Variants in VIRMA observed in about 807,000 individuals in gnomAD.
VIRMA encodes vir like m6A methyltransferase associated, also known as protein virilizer homolog.
VIRMA carries 65 observed loss-of-function variants against 182.4 expected under a neutral mutation model. The ratio of observed to expected loss-of-function variants is 0.36; its 90% CI spans 0.29 to 0.44. VIRMA has a LOEUF of 0.44. Among genes scored for constraint, VIRMA ranks in the 20% least tolerant of loss-of-function variants. The pLI, the probability that VIRMA is intolerant of heterozygous loss-of-function variation, is 1.00. For missense variants in VIRMA, 1,752 were observed against 2,158.1 expected (o/e 0.81, Z 3.73); for synonymous variants, 709 against 743.1 (o/e 0.95, Z 0.75).
At chr8:94,496,560 G>T in intron 17 of VIRMA, 80 bp from the exon 18 acceptor site, 5 of 1,098,654 alleles carry the variant, frequency 4.6e-6, no homozygotes, top group East Asian at 2.5e-5. Flanking sequence ...TATTATCTAA[G>T]CCATATGCTG....
chr8:94,540,855 C>T (rs1447585206), intron 2 of VIRMA, among the ~76,000 whole-genome samples: 1 of 152,064 alleles, frequency 6.6e-6, no homozygotes, highest in Non-Finnish European at 1.5e-5. Context: ...ACTTTTGAGA[C>T]CCTAAAGGCT....
At chr8:94,524,601 G>A (rs998010906) in intron 8 of VIRMA, among the ~76,000 whole-genome samples, 13 of 151,996 alleles carry the variant, frequency 8.6e-5, no homozygotes, top group Non-Finnish European at 1.6e-4. Flanking sequence ...CACCACACCC[G>A]GCTCTAGTTT....
chr8:94,520,185 CAAAAAA>C (rs757063695), intron 8 of VIRMA, among the ~76,000 whole-genome samples: 2 of 82,962 alleles, frequency 2.4e-5, no homozygotes, highest in Admixed American at 1.3e-4. Context: ...GACCCTGCAT[CAAAAAA>C]AAAAAAAAAA....
At chr8:94,540,046 T>C (rs528487100) in intron 2 of VIRMA, among the ~76,000 whole-genome samples, 1 of 152,252 alleles carries the variant, frequency 6.6e-6, no homozygotes, top group South Asian at 2.1e-4. Flanking sequence ...TGTGGTATTC[T>C]GTTAAAGTAA....
chr8:94,506,609 G>C lies in VIRMA; in HGVS notation c.3988C>G (p.Leu1330Val), dbSNP rs907252502. 2 of 1,613,316 alleles carry C rather than the reference G, an allele frequency of 1.2e-6. No individual in the cohort carries two copies. The highest frequency in any genetic ancestry group is 2.7e-5 in the African/African-American group (2 of 74,898). Residue 1330 changes from leucine (L) to valine (V), a missense_variant, in exon 16 of 24, where the codon CTG becomes GTG. Physicochemically the swap from Leu to Val is conservative, Grantham distance 32. Coordinates refer to ENST00000297591, the MANE Select transcript of VIRMA (RefSeq NM_015496.5). ...KELMTSICDC[L>V]LATLANSESS... ...TCAGAGTTAGCTAGCGTAGCCAACA[G>C]ACAGTCACAGATTGAGGTCATCAAT...
chr8:94,506,456 A>C, intron 16 of VIRMA, 44 bp downstream of exon 16: 1 of 1,299,874 alleles, frequency 7.7e-7, no homozygotes, highest in Non-Finnish European at 1.1e-6. Flanking sequence ...TGACAGAATG[A>C]AAAAATTAAA....
chr8:94,492,537 GC>G (rs1813640195), intron 21 of VIRMA, 114 bp downstream of exon 21: 2 of 733,584 alleles, frequency 2.7e-6, no homozygotes, highest in Non-Finnish European at 4.3e-6. Context: ...CTCCCAAAAT[GC>G]TGGGATTACA....
intron 16 of VIRMA, among the ~76,000 whole-genome samples, chr8:94,504,237 C>T (rs1200759164): frequency 6.6e-6 from 1 of 151,610 alleles, no homozygotes; most frequent in Non-Finnish European, 1.5e-5. Flanking sequence ...TAAAACCTGA[C>T]AATGGCCCGT....
Position 94,511,991 on chromosome 8 carries a change from A to T in VIRMA, c.2845+5T>A, listed in dbSNP as rs1435602855. The T allele has an allele frequency of 6.6e-7, 1 of 1,505,918 alleles. No homozygotes were observed. Among genetic ancestry groups the T allele is most frequent in the Non-Finnish European group, 8.9e-7 (1 of 1,119,690 alleles). 93.3% of individuals were successfully genotyped at this position (1,505,918 alleles called of 1,614,324 possible). On this transcript the variant is annotated splice_donor_5th_base_variant and intron_variant, in intron 12 of 23. Transcript: ENST00000297591. ...GTAGTTTTTAAAATACAGTAGCCAC[A>T]TTACCTTCAACAGGAGGTGGTGGGC...
At chr8:94,534,804 A>C (rs1340825869) in intron 5 of VIRMA, 35 bp downstream of exon 5, 2 of 1,603,446 alleles carry the variant, frequency 1.2e-6, no homozygotes, top group South Asian at 2.2e-5. Context: ...CACGGATATA[A>C]GTTTCACTTG....
chr8:94,489,117 A>G (rs1249557795), intron 23 of VIRMA, among the ~76,000 whole-genome samples: 1 of 152,256 alleles, frequency 6.6e-6, no homozygotes, highest in Non-Finnish European at 1.5e-5. Context: ...GCTACTTCTG[A>G]TAAGTAAAAT....
rs764411870 is a variant in VIRMA, at chr8:94,510,612, C to T, written c.3431G>A (p.Arg1144Gln). The T allele has an allele frequency of 6.2e-7, 1 of 1,614,036 alleles. No individual in the cohort carries two copies. Among genetic ancestry groups the T allele is most frequent in the South Asian group, 1.1e-5 (1 of 91,070 alleles). Reference protein sequence around the residue: ...PHDISVALNTRKLWSMHLHVQ... With the variant: ...PHDISVALNTQKLWSMHLHVQ... ...ATGAAGGTGCATGCTCCACAATTTTCGGGTGTTGAGTGCCACTGATATATC... is the reference window on the plus strand; with the variant it reads ...ATGAAGGTGCATGCTCCACAATTTTTGGGTGTTGAGTGCCACTGATATATC... Residue 1144 changes from arginine to glutamine, a missense_variant, in exon 14 of 24, where the codon CGA becomes CAA. Coordinates refer to ENST00000297591, the MANE Select transcript of VIRMA (RefSeq NM_015496.5).
In VIRMA at chr8:94,519,328, C is replaced by A; in HGVS notation, c.2170G>T (p.Glu724Ter). 6.2e-7 allele frequency: 1 copy of A among 1,607,490 alleles called. No homozygotes were observed. Among genetic ancestry groups the A allele is most frequent in the Non-Finnish European group, 8.5e-7 (1 of 1,178,300 alleles). Residue 724 changes from glutamate (E) to a stop codon, truncating the protein, a stop_gained, in exon 9 of 24, where the codon GAA becomes TAA. Coordinates refer to ENST00000297591, the MANE Select transcript of VIRMA (RefSeq NM_015496.5). LOFTEE classifies it high-confidence loss of function. The stretch of plus-strand genomic sequence containing the variant: ...ATCAATAAATTTGTTGCTTCATATT[C>A]CGACATAAAAAAAAGAAGACCCTTC... The part of the protein sequence containing the change: ...SQKGLLFFMS[E>*]YEATNLLIRA...
At chr8:94,500,590 C>T (rs1484951925) in intron 16 of VIRMA, among the ~76,000 whole-genome samples, 1 of 151,324 alleles carries the variant, frequency 6.6e-6, no homozygotes. Flanking sequence ...GCAACTGGGG[C>T]TCTAATACAC....
chr8:94,495,361 A>G (rs563210155), intron 19 of VIRMA, among the ~76,000 whole-genome samples: 26 of 152,272 alleles, frequency 1.7e-4, no homozygotes, highest in Non-Finnish European at 3.7e-4. Context: ...ATTACTTTCT[A>G]AAGTATTATT....
At chr8:94,491,995 AG>A (rs1295225378) in intron 21 of VIRMA, 86 bp from the exon 22 acceptor site, 9 of 1,080,930 alleles carry the variant, frequency 8.3e-6, no homozygotes, top group South Asian at 2.0e-5. Context: ...ATTATATTTC[AG>A]TTTTTTTGTA....
chr8:94,508,039 A>C (rs1164428049), intron 15 of VIRMA, among the ~76,000 whole-genome samples: 1 of 151,748 alleles, frequency 6.6e-6, no homozygotes, highest in Non-Finnish European at 1.5e-5. Flanking sequence ...TCCAATGCTA[A>C]GCAAGTTTAG....
rs567012948 is a variant in VIRMA, at chr8:94,549,942, T to C, written c.63+3443A>G. On this transcript the variant is annotated intron_variant, in intron 1 of 23. Coordinates refer to ENST00000297591, the MANE Select transcript of VIRMA (RefSeq NM_015496.5). ...AAAACACCGTCTCTACAAAAAAATA[T>C]GAAAATCAGCCAGGCGTGTTGGTGC... is the stretch of plus-strand genomic sequence containing the variant. Among the ~76,000 whole-genome samples the C allele has an allele frequency of 2.1e-4, 32 of 151,934 alleles. No individual in the cohort carries two copies. The South Asian group carries it at 6.2e-3, about 30-fold the overall frequency.
At chr8:94,520,893 T>G (rs988444246) in intron 8 of VIRMA, among the ~76,000 whole-genome samples, 1 of 152,162 alleles carries the variant, frequency 6.6e-6, no homozygotes, top group Non-Finnish European at 1.5e-5. Context: ...CAGTTAGTAT[T>G]ACCACACATA....
Sources: allele counts gnomAD v4.1 joint callset (sites outside exome capture counted in the v4.1 genomes callset), GRCh38; gene constraint gnomAD v4.1.1; transcripts MANE v1.5; gene names NCBI Gene and HGNC (gene_info 2026-07-23, HGNC 2026-07-21).